Variants in CCDC149 observed in about 807,000 individuals in gnomAD.
CCDC149 encodes coiled-coil domain-containing protein 149.
In CCDC149, 45 loss-of-function variants were observed where a neutral mutation model predicts 59.9. That is an observed-to-expected ratio of 0.75 (90% confidence interval 0.59 to 0.96). The LOEUF (loss-of-function observed/expected upper bound fraction) is 0.96, where lower values mean the gene tolerates loss of function less well. CCDC149 is among the 40% of genes least tolerant of loss of function. CCDC149 has a pLI of 0.00. For synonymous variants in CCDC149, 245 were observed against 260.6 expected (o/e 0.94, Z 0.58); for missense variants, 584 against 664.7 (o/e 0.88, Z 1.33).
At chr4:24,825,811 G>A (rs1364716760) in intron 9 of CCDC149, among the ~76,000 whole-genome samples, 2 of 151,820 alleles carry the variant, frequency 1.3e-5, no homozygotes, top group African/African-American at 4.8e-5. Flanking sequence ...TAAAACTGTA[G>A]AGCAGAAATG....
intron 1 of CCDC149, among the ~76,000 whole-genome samples, chr4:24,952,612 A>G (rs1398741213): frequency 8.3e-5 from 3 of 36,200 alleles, no homozygotes; most frequent in African/African-American, 3.3e-4. Context: ...AAAAAAAAAA[A>G]AAAAAAAAAA....
chr4:24,838,011 A>T (rs1002201766), intron 5 of CCDC149, 145 bp downstream of exon 5: 1 of 720,344 alleles, frequency 1.4e-6, no homozygotes, highest in Non-Finnish European at 2.5e-6. Context: ...TTGGGACCCT[A>T]GTGCAGTGCT....
intron 1 of CCDC149, among the ~76,000 whole-genome samples, chr4:24,952,277 G>A (rs1000546343): frequency 1.5e-4 from 23 of 152,124 alleles, no homozygotes; most frequent in Admixed American, 9.2e-4. Flanking sequence ...TGAAGTAGGC[G>A]AAATTTAAGT....
chr4:24,868,598 C>T (rs1406531881), intron 3 of CCDC149, among the ~76,000 whole-genome samples: 1 of 152,154 alleles, frequency 6.6e-6, no homozygotes, highest in East Asian at 1.9e-4. Flanking sequence ...GGTCCAAACC[C>T]AGACACCTTG....
At chr4:24,971,152 A>C (rs1277596457) in intron 1 of CCDC149, among the ~76,000 whole-genome samples, 1 of 152,232 alleles carries the variant, frequency 6.6e-6, no homozygotes. Context: ...TAAGGTGGTC[A>C]AGACCCTTAC....
At chr4:24,967,326 A>G (rs1022768413) in intron 1 of CCDC149, among the ~76,000 whole-genome samples, 2 of 152,180 alleles carry the variant, frequency 1.3e-5, no homozygotes, top group Non-Finnish European at 2.9e-5. Context: ...GAGGTGCAGA[A>G]AATGTGTGGC....
chr4:24,943,666 A>G (rs1373110582), intron 1 of CCDC149, among the ~76,000 whole-genome samples: 1 of 152,250 alleles, frequency 6.6e-6, no homozygotes, highest in Admixed American at 6.5e-5. Context: ...CAATCTACTC[A>G]TCTGACACAG....
chr4:24,891,873 T>G (rs1720547591), intron 1 of CCDC149, among the ~76,000 whole-genome samples: 1 of 151,794 alleles, frequency 6.6e-6, no homozygotes, highest in Admixed American at 6.6e-5. Context: ...GTGGCGTACA[T>G]CTGTAGTCCC....
chr4:24,878,006 C>T (rs1002625076), intron 1 of CCDC149, among the ~76,000 whole-genome samples: 1 of 152,164 alleles, frequency 6.6e-6, no homozygotes, highest in Non-Finnish European at 1.5e-5. Flanking sequence ...TTTCATTATA[C>T]ACTCTGACAT....
chr4:24,888,001 G>A (rs1720297425), intron 1 of CCDC149, among the ~76,000 whole-genome samples: 1 of 152,034 alleles, frequency 6.6e-6, no homozygotes, highest in Admixed American at 6.6e-5. Flanking sequence ...CCTGCACCCT[G>A]CTCCTGAGTC....
intron 3 of CCDC149, among the ~76,000 whole-genome samples, chr4:24,863,169 C>T (rs193091329): frequency 1.6e-4 from 25 of 152,084 alleles, no homozygotes; most frequent in Non-Finnish European, 2.8e-4. Flanking sequence ...GGTATGCACC[C>T]GTAGTCCCAG....
At chr4:24,929,707 G>A (rs1187298018) in intron 1 of CCDC149, among the ~76,000 whole-genome samples, 2 of 152,110 alleles carry the variant, frequency 1.3e-5, no homozygotes, top group African/African-American at 4.8e-5. Flanking sequence ...CTTATGTTTT[G>A]CCTAGAACAC....
intron 1 of CCDC149, among the ~76,000 whole-genome samples, chr4:24,903,229 T>C (rs1181181659): frequency 6.6e-6 from 1 of 151,986 alleles, no homozygotes; most frequent in Non-Finnish European, 1.5e-5. Flanking sequence ...GCTTTTCCAT[T>C]TTCAGGGCCT....
At chr4:24,848,357 T>G (rs1717442051) in intron 4 of CCDC149, among the ~76,000 whole-genome samples, 1 of 152,024 alleles carries the variant, frequency 6.6e-6, no homozygotes, top group Non-Finnish European at 1.5e-5. Context: ...GATCATGAGG[T>G]CAAGAGATCG....
intron 1 of CCDC149, among the ~76,000 whole-genome samples, chr4:24,923,571 G>A (rs1009418307): frequency 5.6e-4 from 86 of 152,304 alleles, no homozygotes; most frequent in African/African-American, 2.0e-3. Flanking sequence ...TAAAAGTTAG[G>A]TAGCCAAGAT....
intron 1 of CCDC149, among the ~76,000 whole-genome samples, chr4:24,960,408 C>T (rs1723606239): frequency 6.6e-6 from 1 of 152,044 alleles, no homozygotes. Context: ...AAACAAATAG[C>T]ATATCAATAA....
At chr4:24,845,047 G>C (rs1010146214) in intron 4 of CCDC149, among the ~76,000 whole-genome samples, 1 of 152,228 alleles carries the variant, frequency 6.6e-6, no homozygotes, top group Non-Finnish European at 1.5e-5. Context: ...GAGCCCGGCA[G>C]TTCAGGGCTC....
rs375574003 is a variant in CCDC149 at position 24,873,353 on chromosome 4, A to C, written c.264+328T>G. ...GCACCCACAGAACAGTATGCACCCAACAAATGTTATATGCCCACAGCACGT... is the reference window on the plus strand; with the variant it reads ...GCACCCACAGAACAGTATGCACCCACCAAATGTTATATGCCCACAGCACGT... On this transcript the variant is annotated intron_variant, in intron 3 of 12. Coordinates refer to ENST00000635206, the MANE Select transcript of CCDC149 (RefSeq NM_001330643.2). 2.6e-5 allele frequency among the ~76,000 whole-genome samples: 4 copies of C among 152,322 alleles called. No homozygotes were observed. In the East Asian group the frequency reaches 5.8e-4, roughly 22 times the overall value.
intron 1 of CCDC149, among the ~76,000 whole-genome samples, chr4:24,895,383 T>C (rs774054575): frequency 6.6e-6 from 1 of 152,220 alleles, no homozygotes; most frequent in Non-Finnish European, 1.5e-5. Flanking sequence ...GCATACACTA[T>C]AAATTCATTT....
Sources: gnomAD v4.1 joint callset for allele counts (sites outside exome capture counted in the v4.1 genomes callset) on GRCh38, gnomAD v4.1.1 for gene constraint, MANE v1.5 for transcripts, NCBI Gene and HGNC (gene_info 2026-07-23, HGNC 2026-07-21) for gene names.